The following SLC6A12 variants were observed in gnomAD, a reference collection of about 807,000 sequenced individuals.
SLC6A12 encodes solute carrier family 6 member 12.
Under a neutral mutation model 73.3 loss-of-function variants are expected in SLC6A12, and 50 were observed. That is an observed-to-expected ratio of 0.68 (90% CI 0.54 to 0.86). SLC6A12 has a LOEUF of 0.86. Among genes scored for constraint, SLC6A12 ranks in the 40% least tolerant of loss-of-function variants. SLC6A12 has a pLI of 0.00. For missense variants in SLC6A12, 648 were observed against 772.8 expected, an observed-to-expected ratio of 0.84 and a Z score of 1.92; for synonymous variants, 304 against 309.2, an observed-to-expected ratio of 0.98 and a Z score of 0.18.
chr12:204,632 ACCT>A lies in SLC6A12; in HGVS notation c.278_280del (p.Glu93del). ...TTGGCTGGTGTATTGGCCCAACGCC[ACCT>A]CCAGGAAGAACACCGGGATGCCGCA... On this transcript the variant is annotated inframe_deletion, in exon 4 of 16. Coordinates refer to ENST00000684302, the MANE Select transcript of SLC6A12 (RefSeq NM_001122848.3). The A allele has an allele frequency of 6.2e-7, 1 of 1,614,146 alleles. No homozygotes were observed. The highest frequency in any genetic ancestry group is 8.5e-7 in the Non-Finnish European group (1 of 1,180,012).
At chr12:200,406 C>T (rs1379062674) in intron 7 of SLC6A12, among the ~76,000 whole-genome samples, 1 of 152,196 alleles carries the variant, frequency 6.6e-6, no homozygotes, top group African/African-American at 2.4e-5. Context: ...CTGCACCCGG[C>T]AGCCCTGAAT....
chr12:193,375 C>T lies in SLC6A12; in HGVS notation c.1432G>A (p.Ala478Thr). ...EVVCISWVYG[A>T]DRFYDNIEDM... ...TCAATGTTGTCATAGAAACGGTCCG[C>T]CCCTGAGCAGGCATGGCGTGGGAGA... Residue 478 changes from alanine to threonine, a missense_variant and splice_region_variant, in exon 14 of 16, where the codon GCG becomes ACG. Ala to Thr is a moderately conservative substitution (Grantham distance 58). Transcript: ENST00000684302. 6.2e-7 allele frequency: 1 copy of T among 1,613,102 alleles called. No homozygotes were observed. Among genetic ancestry groups the T allele is most frequent in the Non-Finnish European group, 8.5e-7 (1 of 1,179,230 alleles).
chr12:200,326 T>C (rs1200403071), intron 7 of SLC6A12, among the ~76,000 whole-genome samples: 5 of 151,894 alleles, frequency 3.3e-5, no homozygotes, highest in Non-Finnish European at 7.4e-5. Flanking sequence ...GCCAGGATGG[T>C]CTCGATCTCC....
At chr12:203,488 G>T (rs1940420139) in intron 4 of SLC6A12, 1 of 152,160 alleles carries the variant, frequency 6.6e-6, no homozygotes, top group South Asian at 2.1e-4. Context: ...CGGCGTTGGG[G>T]CGGCCCGGGC....
intron 9 of SLC6A12, 102 bp from the exon 10 acceptor site, chr12:197,603 C>A: frequency 7.9e-7 from 1 of 1,261,462 alleles, no homozygotes; most frequent in Non-Finnish European, 1.1e-6. Context: ...GAGAGGGGAC[C>A]AAGGAGAGAG....
In SLC6A12 at chr12:192,580, G is replaced by A; in HGVS notation, c.1599C>T (p.Pro533=). The A allele has an allele frequency of 6.2e-7, 1 of 1,614,066 alleles. No homozygotes were observed. The highest frequency in any genetic ancestry group is 8.5e-7 in the Non-Finnish European group (1 of 1,179,948). Residue 533 remains proline, a synonymous_variant, in exon 15 of 16, where the codon CCC becomes CCT. Coordinates refer to ENST00000684302, the MANE Select transcript of SLC6A12 (RefSeq NM_001122848.3). ...LKYNNVYVYP[P]WGYSIGWFLA... ...GGAACCAGCCAATGGAGTATCCCCA[G>A]GGCGGGTACACATAGACGTTGTTGT... is the stretch of plus-strand genomic sequence containing the variant.
chr12:186,304 G>A (rs1039050287), downstream of SLC6A12, among the ~76,000 whole-genome samples: 1 of 152,194 alleles, frequency 6.6e-6, no homozygotes, highest in African/African-American at 2.4e-5. Context: ...CACATGAGAG[G>A]AGCCGAGGCC....
intron 9 of SLC6A12, 88 bp from the exon 10 acceptor site, chr12:197,589 C>T: frequency 7.2e-7 from 1 of 1,383,180 alleles, no homozygotes; most frequent in Non-Finnish European, 9.8e-7. Context: ...GGTCAAAAGA[C>T]AGTGAGAGGG....
Position 200,661 on chromosome 12 carries a change from G to T in SLC6A12, c.701C>A (p.Ser234Tyr), listed in dbSNP as rs748697803. ...CYFCIWKGVK[S>Y]TGKVVYFTAT... ...GGCAGGACATCTCACCTTGCCTGTG[G>T]ACTTGACCCCCTTCCAGATGCAGAA... Residue 234 changes from serine to tyrosine, a missense_variant, in exon 7 of 16, where the codon TCC (serine) becomes TAC (tyrosine). By Grantham distance (144) the Ser-to-Tyr change is moderately radical. Transcript: ENST00000684302. 8 of 1,614,100 alleles carry T rather than the reference G, an allele frequency of 5.0e-6. No individual in the cohort carries two copies. Among genetic ancestry groups the T allele is most frequent in the Non-Finnish European group, 6.8e-6 (8 of 1,179,982 alleles).
chr12:209,337 C>T (rs371108894), intron 3 of SLC6A12, among the ~76,000 whole-genome samples: 9 of 152,188 alleles, frequency 5.9e-5, no homozygotes, highest in South Asian at 2.1e-4. Context: ...ACCGTTTGTC[C>T]GCAACCTGCC....
At chr12:193,016 C>T (rs959144544) in intron 14 of SLC6A12, 27 of 523,012 alleles carry the variant, frequency 5.2e-5, no homozygotes, top group African/African-American at 1.3e-4. Flanking sequence ...GACCAACCAT[C>T]GAGAAATCAG....
intron 9 of SLC6A12, 130 bp downstream of exon 9, chr12:197,770 C>A: frequency 1.4e-6 from 1 of 695,016 alleles, no homozygotes. Flanking sequence ...GAAAGGAACC[C>A]ATAAGTTCAG....
At position 195,327 on chromosome 12, in the gene SLC6A12, C is replaced by T. The variant is rs149292940; in HGVS notation, c.1327G>A (p.Gly443Ser). The T allele has an allele frequency of 2.5e-6, 4 of 1,598,918 alleles. No homozygotes were observed. In the African/African-American group the frequency reaches 4.0e-5, roughly 16 times the overall value. ...AACAGCTGGAAGATGTACATCCCGC[C>T]CTGTGGGGAGAGCGTGGAGCTGGGG... ...YLIGLFLVTE[G>S]GMYIFQLFDY... is the part of the protein sequence containing the mutation. Residue 443 changes from glycine (G) to serine (S), a missense_variant and splice_region_variant, in exon 13 of 16, where the codon GGC becomes AGC. Coordinates refer to ENST00000684302, the MANE Select transcript of SLC6A12 (RefSeq NM_001122848.3).
rs756667166 is a variant in SLC6A12, at chr12:195,212, C to G, written c.1429+13G>C. 6.8e-7 allele frequency: 1 copy of G among 1,470,146 alleles called. No homozygotes were observed. The highest frequency in any genetic ancestry group is 1.7e-5 in the Admixed American group (1 of 59,706). 91.1% of individuals were successfully genotyped at this position (1,470,146 alleles called of 1,614,324 possible). ...TCCCACCCTGCTTTCCCACCCCACT[C>G]CACCCCACTCACCATACACCCAGCT... On this transcript the variant is annotated intron_variant, in intron 13 of 15. Transcript: ENST00000684302.
chr12:197,004 T>G, intron 10 of SLC6A12, 122 bp from the exon 11 acceptor site: 1 of 617,580 alleles, frequency 1.6e-6, no homozygotes, highest in South Asian at 2.0e-5. Flanking sequence ...GAAAGGGTGA[T>G]TCCATCCACT....
rs189460275 is a variant in SLC6A12 at position 190,675 on chromosome 12, G to C, written c.*393C>G. 2.6e-3 allele frequency: 402 copies of C among 157,474 alleles called. 1 individual carries two copies. The highest frequency in any genetic ancestry group is 4.6e-3 in the Admixed American group (71 of 15,406). 9.8% of individuals were successfully genotyped at this position (157,474 alleles called of 1,614,324 possible). On this transcript the variant is annotated 3_prime_UTR_variant, in exon 16 of 16. Transcript: ENST00000684302. Reference sequence around the variant, plus strand: ...ATCAGGCTCTCCACATTGGACGGCAGTGTGCGTTCCAATTATAGCTCCTCT... The same window carrying C: ...ATCAGGCTCTCCACATTGGACGGCACTGTGCGTTCCAATTATAGCTCCTCT...
chr12:201,879 G>C, intron 5 of SLC6A12, 30 bp from the exon 6 acceptor site: 3 of 1,584,086 alleles, frequency 1.9e-6, no homozygotes, highest in Non-Finnish European at 1.7e-6. Context: ...GGACAAGATG[G>C]AGAGAGATGC....
downstream of SLC6A12, among the ~76,000 whole-genome samples, chr12:188,277 A>T (rs1939474549): frequency 1.3e-5 from 2 of 152,178 alleles, no homozygotes; most frequent in African/African-American, 4.8e-5. Context: ...GAAGGCAGCT[A>T]AGGCCCAGCG....
intron 11 of SLC6A12, 149 bp downstream of exon 11, chr12:196,621 C>A: frequency 3.0e-6 from 2 of 660,790 alleles, no homozygotes; most frequent in Non-Finnish European, 5.3e-6. Context: ...CCAGGCCACA[C>A]CCCCAACCCC....
Sources: allele counts gnomAD v4.1 joint callset (sites outside exome capture counted in the v4.1 genomes callset), GRCh38; gene constraint gnomAD v4.1.1; transcripts MANE v1.5; gene names NCBI Gene and HGNC (gene_info 2026-07-23, HGNC 2026-07-21).